HDAC9: variants seen among roughly 807,000 people sequenced by gnomAD.
HDAC9 encodes histone deacetylase 9.
In HDAC9, 41 loss-of-function variants were observed where a neutral mutation model predicts 139.4. That is an observed-to-expected ratio of 0.29 (90% CI 0.23 to 0.38). The LOEUF (loss-of-function observed/expected upper bound fraction) is 0.38. Among genes scored for constraint, HDAC9 ranks in the 10% least tolerant of loss-of-function variants. The pLI, the probability that HDAC9 is intolerant of heterozygous loss-of-function variation, is 1.00. For missense variants in HDAC9, 1,147 were observed against 1,297.0 expected (o/e 0.88, Z 1.78); for synonymous variants, 517 against 476.2 (o/e 1.09, Z -1.12).
At chr7:18,867,579 A>G (rs1335175303) in intron 21 of HDAC9, among the ~76,000 whole-genome samples, 1 of 152,226 alleles carries the variant, frequency 6.6e-6, no homozygotes, top group Admixed American at 6.5e-5. Context: ...TGCTGTCAAT[A>G]TCATTTTCTG....
At position 18,666,367 on chromosome 7, in the gene HDAC9, C is replaced by A. The variant is rs1249073527; in HGVS notation, c.1622C>A (p.Thr541Lys). The change falls in exon 12 of 26, where the codon ACA becomes AAA. Residue 541 changes from threonine to lysine, a missense_variant. By Grantham distance (78) the Thr-to-Lys change is moderately conservative. Transcript: ENST00000686413. ...GACAGCAGTGCTTGTGTGGATGACACACTGGGACAAGTTGGGGCTGTGAAG... is the reference window on the plus strand; with the variant it reads ...GACAGCAGTGCTTGTGTGGATGACAAACTGGGACAAGTTGGGGCTGTGAAG... ...RSDSSACVDD[T>K]LGQVGAVKVK... 3 of 1,613,314 alleles carry A rather than the reference C, an allele frequency of 1.9e-6. No individual in the cohort carries two copies. Among genetic ancestry groups the A allele is most frequent in the Middle Eastern group, 1.7e-4 (1 of 6,054 alleles).
chr7:18,301,722 T>G (rs1698879266), intron 1 of HDAC9, among the ~76,000 whole-genome samples: 1 of 152,178 alleles, frequency 6.6e-6, no homozygotes, highest in South Asian at 2.1e-4. Context: ...AAATCTGCCC[T>G]CAAATGAGAA....
chr7:18,205,359 G>A (rs374154443), intron 2 of HDAC9, among the ~76,000 whole-genome samples: 1 of 151,744 alleles, frequency 6.6e-6, no homozygotes, highest in Non-Finnish European at 1.5e-5. Flanking sequence ...AGTAGGTTCA[G>A]GTCTTCTTTT....
intron 12 of HDAC9, among the ~76,000 whole-genome samples, chr7:18,705,447 C>G (rs541631213): frequency 6.6e-6 from 1 of 152,256 alleles, no homozygotes; most frequent in East Asian, 1.9e-4. Flanking sequence ...GAGTGTGGAG[C>G]AGGATCTCAC....
intron 2 of HDAC9, among the ~76,000 whole-genome samples, chr7:18,176,959 T>C (rs1410968164): frequency 6.6e-6 from 1 of 152,190 alleles, no homozygotes; most frequent in Non-Finnish European, 1.5e-5. Context: ...ACTATAGATA[T>C]TGGAAAAATA....
chr7:18,832,504 C>T (rs1795925002), intron 19 of HDAC9, among the ~76,000 whole-genome samples: 1 of 152,124 alleles, frequency 6.6e-6, no homozygotes, highest in Non-Finnish European at 1.5e-5. Flanking sequence ...AATATTTAAA[C>T]AATTTTTCAG....
chr7:18,319,809 T>A (rs1799904871), intron 1 of HDAC9, among the ~76,000 whole-genome samples: 3 of 152,370 alleles, frequency 2.0e-5, no homozygotes, highest in Admixed American at 2.0e-4. Context: ...TTGTTTAAAA[T>A]AACAGCTTTG....
At position 18,410,097 on chromosome 7, in the gene HDAC9, G is replaced by C. The variant is rs935452825; in HGVS notation, c.-41-86165G>C. Among the ~76,000 whole-genome samples, 5 of 152,116 alleles carry C rather than the reference G, an allele frequency of 3.3e-5. No individual in the cohort carries two copies. In the South Asian group the frequency reaches 6.2e-4, roughly 19 times the overall value. On this transcript the variant is annotated intron_variant, in intron 1 of 3. Coordinates refer to the HDAC9 transcript ENST00000413509. ...TATAGCACTTTTGGAACACTAGATT[G>C]TGATTTAGTTTCTTCACTCTCTTGG...
chr7:18,994,837 T>C (rs991083958), intron 25 of HDAC9, among the ~76,000 whole-genome samples: 2 of 152,196 alleles, frequency 1.3e-5, no homozygotes, highest in African/African-American at 4.8e-5. Context: ...TAGCATGTTT[T>C]CCTAATATGA....
At chr7:18,339,871 G>T (rs993860824) in intron 1 of HDAC9, among the ~76,000 whole-genome samples, 56 of 151,462 alleles carry the variant, frequency 3.7e-4, no homozygotes, top group African/African-American at 1.3e-3. Flanking sequence ...TGTGTATTAT[G>T]CTGTTGAGTT....
intron 1 of HDAC9, among the ~76,000 whole-genome samples, chr7:18,313,179 T>C (rs1162017265): frequency 1.3e-5 from 2 of 152,260 alleles, no homozygotes; most frequent in African/African-American, 4.8e-5. Context: ...ATATTTTAGC[T>C]GATTTCAGGG....
rs112187975 is a variant in HDAC9, at chr7:18,741,118, G to GT, written c.1910-7883dup. ...AGTGTTGATGTAGAAGCTACAACAC[G>GT]TTTTCCAGAAAGTCTAGCTAAGACC... On this transcript the variant is annotated intron_variant, in intron 13 of 25. Coordinates refer to ENST00000686413, the MANE Select transcript of HDAC9 (RefSeq NM_178425.4). Among the ~76,000 whole-genome samples, 690 of 152,298 alleles carry GT rather than the reference G, an allele frequency of 4.5e-3. 5 individuals carry two copies. Among genetic ancestry groups the GT allele is most frequent in the African/African-American group, 0.016 (657 of 41,570 alleles).
intron 17 of HDAC9, among the ~76,000 whole-genome samples, chr7:18,821,662 C>T (rs951720034): frequency 6.6e-6 from 1 of 152,216 alleles, no homozygotes; most frequent in Non-Finnish European, 1.5e-5. Flanking sequence ...TCTGCAGACA[C>T]TGACTGGATG....
chr7:18,556,999 G>A (rs1412192985), intron 2 of HDAC9, among the ~76,000 whole-genome samples: 1 of 151,958 alleles, frequency 6.6e-6, no homozygotes, highest in Non-Finnish European at 1.5e-5. Flanking sequence ...TATTGAGAGG[G>A]CTTCTTAATA....
chr7:18,329,769 A>C (rs1306405265), intron 1 of HDAC9, among the ~76,000 whole-genome samples: 1 of 151,668 alleles, frequency 6.6e-6, no homozygotes, highest in Admixed American at 6.6e-5. Flanking sequence ...TCCATTTCAC[A>C]TTACACTCTC....
intron 16 of HDAC9, among the ~76,000 whole-genome samples, chr7:18,775,720 C>G (rs1790710503): frequency 6.7e-6 from 1 of 150,294 alleles, no homozygotes; most frequent in Non-Finnish European, 1.5e-5. Context: ...ACTCATGTAT[C>G]TTGTCATACC....
intron 1 of HDAC9, among the ~76,000 whole-genome samples, chr7:18,367,578 A>G (rs945174513): frequency 6.6e-6 from 1 of 152,070 alleles, no homozygotes; most frequent in Non-Finnish European, 1.5e-5. Flanking sequence ...ACATTTGCTT[A>G]TCTCATTTCC....
At chr7:18,804,097 G>C (rs979497508) in intron 17 of HDAC9, among the ~76,000 whole-genome samples, 1 of 152,186 alleles carries the variant, frequency 6.6e-6, no homozygotes, top group Non-Finnish European at 1.5e-5. Flanking sequence ...GAGAGCTAGA[G>C]GAAGGCTGAG....
intron 1 of HDAC9, among the ~76,000 whole-genome samples, chr7:18,362,512 A>G (rs1783860865): frequency 6.6e-6 from 1 of 152,190 alleles, no homozygotes; most frequent in South Asian, 2.1e-4. Flanking sequence ...ATAAATAGGT[A>G]TATGGTATAC....
Sources: allele counts gnomAD v4.1 joint callset (sites outside exome capture counted in the v4.1 genomes callset), GRCh38; gene constraint gnomAD v4.1.1; transcripts MANE v1.5; gene names NCBI Gene and HGNC (gene_info 2026-07-23, HGNC 2026-07-21).